Variants in MLLT3 observed in about 807,000 individuals in gnomAD.
The protein encoded by MLLT3 is protein AF-9.
Under a neutral mutation model 53.2 loss-of-function variants are expected in MLLT3, and 4 were observed. The ratio of observed to expected loss-of-function variants is 0.08; its 90% confidence interval spans 0.04 to 0.17. The LOEUF is 0.17. Among genes scored for constraint, MLLT3 ranks in the 10% least tolerant of loss-of-function variants. MLLT3 has a pLI of 1.00. For synonymous variants in MLLT3, 283 were observed against 230.6 expected, an observed-to-expected ratio of 1.23 and a Z score of -2.06; for missense variants, 569 against 684.0, an observed-to-expected ratio of 0.83 and a Z score of 1.87.
chr9:20,411,669 T>C (rs1639074987), intron 5 of MLLT3: 1 of 152,194 alleles, frequency 6.6e-6, no homozygotes, highest in African/African-American at 2.4e-5. Flanking sequence ...CAATTCTAAC[T>C]CTTCATTCCA....
intron 2 of MLLT3, among the ~76,000 whole-genome samples, chr9:20,619,263 G>A (rs955994843): frequency 9.2e-5 from 14 of 152,090 alleles, no homozygotes; most frequent in Admixed American, 4.6e-4. Flanking sequence ...ATAAGAAACT[G>A]GATTTATTTA....
intron 2 of MLLT3, among the ~76,000 whole-genome samples, chr9:20,503,067 TG>T (rs1825288902): frequency 6.6e-6 from 1 of 152,022 alleles, no homozygotes. Flanking sequence ...CACAAATAAG[TG>T]GAAAGACATA....
intron 2 of MLLT3, among the ~76,000 whole-genome samples, chr9:20,615,712 T>C (rs965650209): frequency 2.6e-5 from 4 of 151,882 alleles, no homozygotes; most frequent in Non-Finnish European, 5.9e-5. Context: ...TAAATCTATA[T>C]ATATAATAAA....
In MLLT3 at chr9:20,342,412, T is replaced by C. The variant is rs938717582; in HGVS notation, c.*4031A>G. Reference sequence around the variant, plus strand: ...GATACTGACAGATTTATAAAATGTATTGGCCTTGCACTGTTAATCTCAATA... The same window carrying C: ...GATACTGACAGATTTATAAAATGTACTGGCCTTGCACTGTTAATCTCAATA... On this transcript the variant is annotated 3_prime_UTR_variant, in exon 11 of 11. Transcript: ENST00000380338. 9 of 222,794 alleles carry C rather than the reference T, an allele frequency of 4.0e-5. No homozygotes were observed. The highest frequency in any genetic ancestry group is 7.2e-5 in the Non-Finnish European group (8 of 111,668). The allele number at this position is 222,794 out of a possible 1,614,324, so 13.8% of individuals were successfully genotyped here.
At chr9:20,372,718 T>TA (rs1429023180) in intron 5 of MLLT3, among the ~76,000 whole-genome samples, 3 of 151,992 alleles carry the variant, frequency 2.0e-5, no homozygotes, top group Non-Finnish European at 2.9e-5. Flanking sequence ...TGCATTGTCT[T>TA]ATTTTCAAAA....
At chr9:20,502,080 TC>T (rs1337690580) in intron 2 of MLLT3, among the ~76,000 whole-genome samples, 1 of 78,936 alleles carries the variant, frequency 1.3e-5, no homozygotes, top group East Asian at 5.1e-4. Context: ...AAACTCCATC[TC>T]AAAAAAAAAA....
In MLLT3 at chr9:20,573,111, AC is replaced by A. The variant is rs1414241462; in HGVS notation, c.193+47542del. 2.3e-5 allele frequency among the ~76,000 whole-genome samples: 3 copies of A among 128,328 alleles called. No individual in the cohort carries two copies. In the East Asian group the frequency reaches 6.8e-4, roughly 29 times the overall value. The allele number at this position is 128,328 out of a possible 152,430, so 84.2% of individuals were successfully genotyped here. A position where few individuals can be genotyped will look rare whatever the true frequency, so the allele number is the denominator to read the frequency against. On this transcript the variant is annotated intron_variant, in intron 2 of 10. Transcript: ENST00000380338. ...AAAACTAGGTCAAAGTAAAACTATC[AC>A]AACAGGAGAACTTTTTTTTTTTTTC...
intron 5 of MLLT3, among the ~76,000 whole-genome samples, chr9:20,389,587 T>A (rs1311873902): frequency 6.6e-6 from 1 of 151,702 alleles, no homozygotes; most frequent in Non-Finnish European, 1.5e-5. Context: ...CCAGCCTGGG[T>A]AACACAGTAG....
intron 3 of MLLT3, among the ~76,000 whole-genome samples, chr9:20,452,692 G>C (rs1190501311): frequency 1.3e-5 from 2 of 152,130 alleles, no homozygotes; most frequent in African/African-American, 2.4e-5. Context: ...GATCATTTCA[G>C]TAACATGAAA....
At chr9:20,433,844 G>C (rs1467439209) in intron 4 of MLLT3, among the ~76,000 whole-genome samples, 1 of 152,030 alleles carries the variant, frequency 6.6e-6, no homozygotes, top group Non-Finnish European at 1.5e-5. Flanking sequence ...GCCAGGCATG[G>C]TGGCTCACAC....
chr9:20,565,329 G>T (rs1274823644), intron 2 of MLLT3, among the ~76,000 whole-genome samples: 1 of 152,024 alleles, frequency 6.6e-6, no homozygotes, highest in Non-Finnish European at 1.5e-5. Context: ...AGTTGGGAGG[G>T]ATGAGGAAAA....
chr9:20,440,940 G>A (rs139966678), intron 4 of MLLT3, among the ~76,000 whole-genome samples: 267 of 152,210 alleles, frequency 1.8e-3, no homozygotes, highest in Middle Eastern at 0.01. Flanking sequence ...ACTATATTAA[G>A]AGTTTCGTAC....
At chr9:20,396,644 A>G (rs1822329403) in intron 5 of MLLT3, among the ~76,000 whole-genome samples, 1 of 152,104 alleles carries the variant, frequency 6.6e-6, no homozygotes, top group Admixed American at 6.6e-5. Context: ...CACCTGGCAT[A>G]TATTTACAGG....
chr9:20,445,986 C>A (rs1461881822), intron 4 of MLLT3, among the ~76,000 whole-genome samples: 1 of 152,012 alleles, frequency 6.6e-6, no homozygotes, highest in Non-Finnish European at 1.5e-5. Flanking sequence ...TGGTTAAAGC[C>A]AGGTATCAAT....
intron 2 of MLLT3, among the ~76,000 whole-genome samples, chr9:20,566,101 GT>G (rs1819371915): frequency 1.4e-5 from 2 of 141,188 alleles, no homozygotes; most frequent in South Asian, 4.3e-4. Flanking sequence ...TATATAAAGT[GT>G]ACTTTCATCA....
intron 3 of MLLT3, among the ~76,000 whole-genome samples, chr9:20,456,489 T>G (rs1823973372): frequency 6.6e-6 from 1 of 152,228 alleles, no homozygotes; most frequent in Non-Finnish European, 1.5e-5. Context: ...TTAATGAATT[T>G]CACATAATCT....
intron 2 of MLLT3, among the ~76,000 whole-genome samples, chr9:20,580,048 G>C (rs887816350): frequency 2.6e-5 from 4 of 152,148 alleles, no homozygotes; most frequent in African/African-American, 7.2e-5. Flanking sequence ...GAAAGCCATA[G>C]CTTCTTACCA....
chr9:20,513,716 G>A (rs1817824678), intron 2 of MLLT3, among the ~76,000 whole-genome samples: 1 of 152,204 alleles, frequency 6.6e-6, no homozygotes, highest in Admixed American at 6.5e-5. Flanking sequence ...GTTGTACACG[G>A]CAGGTATCTG....
chr9:20,433,537 T>C (rs1289675448), intron 4 of MLLT3, among the ~76,000 whole-genome samples: 2 of 152,018 alleles, frequency 1.3e-5, no homozygotes, highest in Non-Finnish European at 1.5e-5. Flanking sequence ...AAGTAATGGG[T>C]GTTAACATCA....
Sources: gnomAD v4.1 joint callset for allele counts (sites outside exome capture counted in the v4.1 genomes callset) on GRCh38, gnomAD v4.1.1 for gene constraint, MANE v1.5 for transcripts, NCBI Gene and HGNC (gene_info 2026-07-23, HGNC 2026-07-21) for gene names.